Variants in PDILT observed in about 807,000 individuals in gnomAD.
PDILT encodes protein disulfide isomerase like, testis expressed.
A neutral mutation model predicts 53.7 loss-of-function variants in PDILT; 43 were observed. That is an observed-to-expected ratio of 0.80 (90% confidence interval 0.63 to 1.03). The LOEUF is 1.03. Among genes scored for constraint, PDILT ranks in the 50% least tolerant of loss-of-function variants. The pLI is 0.00. For missense variants in PDILT, 727 were observed against 712.3 expected, an observed-to-expected ratio of 1.02 and a Z score of -0.24; for synonymous variants, 282 against 274.2, an observed-to-expected ratio of 1.03 and a Z score of -0.28.
chr16:20,391,825 A>G lies in PDILT; in HGVS notation c.203-6974T>C, dbSNP rs370450079. Among the ~76,000 whole-genome samples, 13 of 152,014 alleles carry G rather than the reference A, an allele frequency of 8.6e-5. No individual in the cohort carries two copies. In the East Asian group the frequency reaches 2.5e-3, roughly 30 times the overall value. Reference sequence around the variant, plus strand: ...AGGCCTCCCAGCCAGACTAAGTGGGAGTGAAGGTGGGTACAGCCTACCAAT... The same window carrying G: ...AGGCCTCCCAGCCAGACTAAGTGGGGGTGAAGGTGGGTACAGCCTACCAAT... On this transcript the variant is annotated intron_variant, in intron 2 of 11. Coordinates refer to ENST00000302451, the MANE Select transcript of PDILT (RefSeq NM_174924.2).
rs571779977 is a variant in PDILT, at chr16:20,386,919, T to G, written c.203-2068A>C. 6.6e-4 allele frequency among the ~76,000 whole-genome samples: 100 copies of G among 152,102 alleles called. 1 individual carries two copies. The highest frequency in any genetic ancestry group is 2.3e-3 in the African/African-American group (97 of 41,482). ...TGATTGTCCAGATGGTAAAGCAAAT[T>G]TTAGAGGTTCCACACACAACCCAGT... On this transcript the variant is annotated intron_variant, in intron 2 of 11. Transcript: ENST00000302451.
chr16:20,369,437 T>C, intron 8 of PDILT, 55 bp downstream of exon 8: 2 of 1,541,048 alleles, frequency 1.3e-6, no homozygotes. Context: ...AACAGAATTA[T>C]GAGAAGGAGA....
intron 9 of PDILT, among the ~76,000 whole-genome samples, chr16:20,364,137 G>A (rs989815445): frequency 1.3e-5 from 2 of 152,208 alleles, no homozygotes; most frequent in African/African-American, 4.8e-5. Context: ...GCCCCAGGGG[G>A]CCAATCCCGT....
chr16:20,360,941 T>C (rs1966091368), intron 10 of PDILT, among the ~76,000 whole-genome samples: 1 of 152,240 alleles, frequency 6.6e-6, no homozygotes, highest in Non-Finnish European at 1.5e-5. Flanking sequence ...GCTTATTTAA[T>C]TTCTCTGACT....
intron 3 of PDILT, among the ~76,000 whole-genome samples, chr16:20,381,591 G>A (rs1458115870): frequency 1.4e-5 from 2 of 141,316 alleles, no homozygotes; most frequent in Admixed American, 7.7e-5. Flanking sequence ...AGCCGAGATC[G>A]CACCACTGCA....
In PDILT at chr16:20,399,110, A is replaced by G. The variant is rs776057236; in HGVS notation, c.191T>C (p.Met64Thr). ...TQMLNQTRFL[M>T]VLFHNPSSKQ... is the part of the protein sequence containing the mutation. Reference sequence around the variant, plus strand: ...ATGGGGGCACTCACGGAAAAGCACCATGAGGAAGCGGGTCTGGTTCAGCAT... The same window carrying G: ...ATGGGGGCACTCACGGAAAAGCACCGTGAGGAAGCGGGTCTGGTTCAGCAT... Residue 64 changes from methionine to threonine, a missense_variant, in exon 2 of 12, where the codon ATG becomes ACG. Met to Thr is a moderately conservative substitution (Grantham distance 81). Coordinates refer to ENST00000302451, the MANE Select transcript of PDILT (RefSeq NM_174924.2). 1.2e-6 allele frequency: 2 copies of G among 1,614,190 alleles called. No individual in the cohort carries two copies. The highest frequency in any genetic ancestry group is 2.2e-5 in the South Asian group (2 of 91,074).
rs148143107 is a variant in PDILT, at chr16:20,364,207, C to T, written c.1237+1213G>A. Among the ~76,000 whole-genome samples the T allele has an allele frequency of 9.2e-5, 14 of 152,302 alleles. No homozygotes were observed. The East Asian group carries it at 2.5e-3, about 27-fold the overall frequency. ...CTTTTATCAAAATGAAATGGACAGT[C>T]TTACAATTCTGGGTGTGACTTAAGT... On this transcript the variant is annotated intron_variant, in intron 9 of 11. Coordinates refer to ENST00000302451, the MANE Select transcript of PDILT (RefSeq NM_174924.2).
At chr16:20,366,015 A>G (rs1966186446) in intron 8 of PDILT, among the ~76,000 whole-genome samples, 1 of 150,700 alleles carries the variant, frequency 6.6e-6, no homozygotes, top group Non-Finnish European at 1.5e-5. Flanking sequence ...GCTTGAACCC[A>G]GGAGGCAGAG....
intron 3 of PDILT, among the ~76,000 whole-genome samples, chr16:20,377,927 G>A (rs540293919): frequency 5.2e-4 from 79 of 151,970 alleles, no homozygotes; most frequent in African/African-American, 1.9e-3. Flanking sequence ...GCACTCCTGC[G>A]CGGGAGATAG....
Position 20,367,071 on chromosome 16 carries a change from CT to C in PDILT, c.1117-1532del, listed in dbSNP as rs1234629953. On this transcript the variant is annotated intron_variant, in intron 8 of 11. Coordinates refer to ENST00000302451, the MANE Select transcript of PDILT (RefSeq NM_174924.2). ...TCTTTCTTTCTTTCTTTCTTTCTTT[CT>C]TTCTTTCTTTCTTTCTTTCTTTCTT... 4.0e-3 allele frequency among the ~76,000 whole-genome samples: 478 copies of C among 120,612 alleles called. 13 individuals are homozygous for C. The highest frequency in any genetic ancestry group is 0.011 in the Middle Eastern group (3 of 266). The allele number at this position is 120,612 out of a possible 152,430, so 79.1% of individuals were successfully genotyped here.
chr16:20,404,145 A>G (rs1045138042), intron 1 of PDILT, among the ~76,000 whole-genome samples: 1 of 152,174 alleles, frequency 6.6e-6, no homozygotes, highest in African/African-American at 2.4e-5. Context: ...TTGGAACTCA[A>G]TGAATGTTTG....
At chr16:20,391,822 G>C (rs945955287) in intron 2 of PDILT, among the ~76,000 whole-genome samples, 8 of 151,934 alleles carry the variant, frequency 5.3e-5, no homozygotes, top group African/African-American at 1.9e-4. Context: ...CAGACTAAGT[G>C]GGAGTGAAGG....
intron 3 of PDILT, among the ~76,000 whole-genome samples, chr16:20,381,892 T>TTTA (rs1405440511): frequency 6.6e-6 from 1 of 152,014 alleles, no homozygotes; most frequent in East Asian, 1.9e-4. Context: ...ATCTAAAACT[T>TTTA]TTATTATTAT....
intron 11 of PDILT, among the ~76,000 whole-genome samples, 174 bp from the exon 12 acceptor site, chr16:20,359,741 G>T (rs531163281): frequency 6.6e-6 from 1 of 152,220 alleles, no homozygotes; most frequent in Non-Finnish European, 1.5e-5. Context: ...CTGAAGATCC[G>T]TTTGGTTTCA....
intron 3 of PDILT, among the ~76,000 whole-genome samples, chr16:20,377,868 C>G (rs1488911300): frequency 1.3e-5 from 2 of 151,918 alleles, no homozygotes; most frequent in Non-Finnish European, 2.9e-5. Context: ...GCAGGAGAAT[C>G]GCTTGAACCC....
At chr16:20,362,637 G>A (rs1022365227) in intron 9 of PDILT, 55 bp from the exon 10 acceptor site, 39 of 1,574,874 alleles carry the variant, frequency 2.5e-5, no homozygotes, top group Non-Finnish European at 3.4e-5. Context: ...CAGAAAGCTG[G>A]CGCCACCCTA....
At chr16:20,401,059 C>G (rs1966734413) in intron 1 of PDILT, among the ~76,000 whole-genome samples, 1 of 152,160 alleles carries the variant, frequency 6.6e-6, no homozygotes, top group Non-Finnish European at 1.5e-5. Flanking sequence ...AGCACATGGT[C>G]AAATGAAACC....
chr16:20,397,976 A>G (rs543065246), intron 2 of PDILT, among the ~76,000 whole-genome samples: 9 of 152,014 alleles, frequency 5.9e-5, no homozygotes, highest in Non-Finnish European at 1.2e-4. Context: ...CATACAGAAC[A>G]TGGGACAACA....
intron 8 of PDILT, 137 bp from the exon 9 acceptor site, chr16:20,365,677 T>C: frequency 9.0e-7 from 1 of 1,116,632 alleles, no homozygotes; most frequent in Non-Finnish European, 1.3e-6. Context: ...TTTGAAATAC[T>C]GAGATGGATC....
Sources: gnomAD v4.1 joint callset for allele counts (sites outside exome capture counted in the v4.1 genomes callset) on GRCh38, gnomAD v4.1.1 for gene constraint, MANE v1.5 for transcripts, NCBI Gene and HGNC (gene_info 2026-07-23, HGNC 2026-07-21) for gene names.